The following STPG2 variants were observed in gnomAD, a reference collection of about 807,000 sequenced individuals.
The protein encoded by STPG2 is sperm tail PG-rich repeat containing 2, also known as sperm-tail PG-rich repeat-containing protein 2.
In STPG2, 56 loss-of-function variants were observed where a neutral mutation model predicts 54.2. That is an observed-to-expected ratio of 1.03 (90% confidence interval 0.83 to 1.29). STPG2 has a LOEUF of 1.29. Among genes scored for constraint, STPG2 ranks in the 50% most tolerant of loss-of-function variants. The pLI, the probability that STPG2 is intolerant of heterozygous loss-of-function variation, is 0.00. For synonymous variants in STPG2, 200 were observed against 181.8 expected (o/e 1.10, Z -0.81); for missense variants, 596 against 544.9 (o/e 1.09, Z -0.93).
At chr4:97,677,475 C>T (rs1247279062) in intron 10 of STPG2, among the ~76,000 whole-genome samples, 1 of 152,140 alleles carries the variant, frequency 6.6e-6, no homozygotes, top group Non-Finnish European at 1.5e-5. Flanking sequence ...TTCTCCAAAA[C>T]ATATATGGCA....
intron 8 of STPG2, among the ~76,000 whole-genome samples, chr4:97,854,019 T>A (rs192793100): frequency 1.7e-4 from 26 of 152,234 alleles, no homozygotes; most frequent in Non-Finnish European, 3.2e-4. Context: ...AAAGATAACG[T>A]CTCATCATCT....
At chr4:98,049,225 A>G (rs768001701) in intron 5 of STPG2, among the ~76,000 whole-genome samples, 7 of 152,316 alleles carry the variant, frequency 4.6e-5, no homozygotes, top group Middle Eastern at 3.4e-3. Flanking sequence ...AAGGGTCTCT[A>G]ATGAACACTC....
intron 8 of STPG2, among the ~76,000 whole-genome samples, chr4:97,877,598 G>C (rs1433294881): frequency 1.3e-5 from 2 of 152,116 alleles, no homozygotes; most frequent in Non-Finnish European, 2.9e-5. Context: ...GATCTCAAGA[G>C]ACTTATTCAC....
intron 5 of STPG2, among the ~76,000 whole-genome samples, chr4:98,062,447 A>G (rs1737690164): frequency 6.6e-6 from 1 of 152,186 alleles, no homozygotes; most frequent in Non-Finnish European, 1.5e-5. Context: ...AGAACCTAAA[A>G]TAAAAGTTGT....
chr4:97,495,801 A>G (rs1560632863), intron 4 of STPG2, among the ~76,000 whole-genome samples: 1 of 151,194 alleles, frequency 6.6e-6, no homozygotes, highest in Non-Finnish European at 1.5e-5. Context: ...CCACATAAGA[A>G]GTTTGGTAAA....
Position 97,940,165 on chromosome 4 carries a change from G to A in STPG2, c.1044+3732C>T, listed in dbSNP as rs181202875. Reference sequence around the variant, plus strand: ...GTTTATAGGGTTTCAGCTGAGAGTCGGCTGTTAGCCTCATAGAGATCCCTT... The same window carrying A: ...GTTTATAGGGTTTCAGCTGAGAGTCAGCTGTTAGCCTCATAGAGATCCCTT... On this transcript the variant is annotated intron_variant, in intron 8 of 10. Transcript: ENST00000295268. 5.4e-4 allele frequency among the ~76,000 whole-genome samples: 82 copies of A among 151,844 alleles called. 1 individual carries two copies. The East Asian group carries it at 0.013, about 25-fold the overall frequency.
At chr4:97,564,772 AC>A in intron 10 of STPG2, among the ~76,000 whole-genome samples, 1 of 152,252 alleles carries the variant, frequency 6.6e-6, no homozygotes, top group South Asian at 2.1e-4. Flanking sequence ...CTCACTCTCT[AC>A]TGGCTTGTAG....
chr4:97,509,313 C>A (rs917663774), intron 4 of STPG2, among the ~76,000 whole-genome samples: 4 of 151,916 alleles, frequency 2.6e-5, no homozygotes, highest in African/African-American at 9.7e-5. Flanking sequence ...AGTTTCCATT[C>A]AAGGTTTCAA....
chr4:98,070,780 T>G (rs1453739424), intron 5 of STPG2, among the ~76,000 whole-genome samples: 2 of 151,710 alleles, frequency 1.3e-5, no homozygotes, highest in Non-Finnish European at 2.9e-5. Flanking sequence ...CAAAATAGAA[T>G]AAAATACCTA....
intron 4 of STPG2, among the ~76,000 whole-genome samples, chr4:97,451,838 A>T (rs1578308894): frequency 6.6e-6 from 1 of 152,236 alleles, no homozygotes; most frequent in South Asian, 2.1e-4. Context: ...GAAATTACTA[A>T]TAAAATATGC....
intron 8 of STPG2, among the ~76,000 whole-genome samples, chr4:97,914,328 A>G (rs957931892): frequency 6.6e-6 from 1 of 152,226 alleles, no homozygotes; most frequent in Non-Finnish European, 1.5e-5. Context: ...TGTAAAAAAA[A>G]GAATCAGCAT....
chr4:97,604,638 A>G (rs1488810376), intron 10 of STPG2, among the ~76,000 whole-genome samples: 1 of 151,824 alleles, frequency 6.6e-6, no homozygotes, highest in African/African-American at 2.4e-5. Flanking sequence ...GTAAAAGCTC[A>G]TATTTCGTTG....
chr4:98,112,693 A>G (rs1357021691), intron 3 of STPG2, among the ~76,000 whole-genome samples: 1 of 152,102 alleles, frequency 6.6e-6, no homozygotes, highest in Non-Finnish European at 1.5e-5. Context: ...AATCCCCTTG[A>G]TTGTTTCTTT....
chr4:97,735,977 CA>C (rs1273470914), intron 9 of STPG2, among the ~76,000 whole-genome samples: 1 of 152,048 alleles, frequency 6.6e-6, no homozygotes, highest in Non-Finnish European at 1.5e-5. Context: ...AAATGTAAAT[CA>C]AAACCACAAT....
intron 4 of STPG2, among the ~76,000 whole-genome samples, chr4:97,500,077 AG>A: frequency 6.6e-6 from 1 of 152,006 alleles, no homozygotes; most frequent in East Asian, 1.9e-4. Flanking sequence ...AGGCAATAGG[AG>A]GGGCAAGAAC....
chr4:98,091,458 C>T (rs1032400673), intron 5 of STPG2, among the ~76,000 whole-genome samples: 2 of 152,058 alleles, frequency 1.3e-5, no homozygotes, highest in Admixed American at 6.5e-5. Context: ...CAAATAGCTA[C>T]TTGTCCTTCA....
At chr4:97,873,515 T>C (rs1730063728) in intron 8 of STPG2, among the ~76,000 whole-genome samples, 1 of 151,556 alleles carries the variant, frequency 6.6e-6, no homozygotes, top group East Asian at 1.9e-4. Flanking sequence ...AAAGCACTAT[T>C]GAACATGAAA....
intron 10 of STPG2, among the ~76,000 whole-genome samples, chr4:97,699,794 G>A (rs1723704329): frequency 6.6e-6 from 1 of 152,160 alleles, no homozygotes; most frequent in Admixed American, 6.5e-5. Flanking sequence ...CTCCCCATGA[G>A]GCCATCAGTG....
intron 9 of STPG2, among the ~76,000 whole-genome samples, chr4:97,726,461 G>A (rs537319312): frequency 1.3e-5 from 2 of 151,956 alleles, no homozygotes; most frequent in East Asian, 3.9e-4. Flanking sequence ...TTTTGCTACA[G>A]TTTTTAAAAA....
Sources: allele counts gnomAD v4.1 joint callset (sites outside exome capture counted in the v4.1 genomes callset), GRCh38; gene constraint gnomAD v4.1.1; transcripts MANE v1.5; gene names NCBI Gene and HGNC (gene_info 2026-07-23, HGNC 2026-07-21).